BAZ2B: variants seen among roughly 807,000 people sequenced by gnomAD.
The protein encoded by BAZ2B is bromodomain adjacent to zinc finger domain protein 2B.
A neutral mutation model predicts 246.0 loss-of-function variants in BAZ2B; 91 were observed. The ratio of observed to expected loss-of-function variants is 0.37; its 90% CI spans 0.31 to 0.44. BAZ2B has a LOEUF of 0.44. Ranked by LOEUF, BAZ2B falls within the 20% of genes least tolerant of loss-of-function variation. The probability of loss-of-function intolerance (pLI) is 1.00; values close to 1 mark genes in which losing one functional copy is unlikely to be tolerated. For synonymous variants in BAZ2B, 855 were observed against 860.0 expected (o/e 0.99, Z 0.10); for missense variants, 2,332 against 2,533.7 (o/e 0.92, Z 1.71).
chr2:159,539,753 G>A (rs2086434363), intron 2 of BAZ2B, among the ~76,000 whole-genome samples: 1 of 152,164 alleles, frequency 6.6e-6, no homozygotes, highest in African/African-American at 2.4e-5. Flanking sequence ...ATCTTCCAGT[G>A]GCTTCTCTTC....
intron 1 of BAZ2B, among the ~76,000 whole-genome samples, chr2:159,609,433 G>C (rs1694231019): frequency 6.6e-6 from 1 of 152,098 alleles, no homozygotes; most frequent in Non-Finnish European, 1.5e-5. Flanking sequence ...CTACATATTA[G>C]ATGACATTGT....
At chr2:159,560,922 C>A (rs946069147) in intron 1 of BAZ2B, among the ~76,000 whole-genome samples, 1 of 152,020 alleles carries the variant, frequency 6.6e-6, no homozygotes. Context: ...AGGATATAAG[C>A]AATACTTTTT....
chr2:159,480,353 T>C (rs1010642502), intron 2 of BAZ2B, among the ~76,000 whole-genome samples: 4 of 152,080 alleles, frequency 2.6e-5, no homozygotes, highest in Non-Finnish European at 4.4e-5. Context: ...GTACTTGGCA[T>C]ATAAGAGATC....
At chr2:159,624,595 G>T in the BAZ2B span, among the ~76,000 whole-genome samples, 1 of 152,188 alleles carries the variant, frequency 6.6e-6, no homozygotes, top group Admixed American at 6.5e-5. Context: ...AGAGGGGCCT[G>T]ACTGTTGGAA....
At chr2:159,704,903 C>T in the BAZ2B span, among the ~76,000 whole-genome samples, 7 of 151,908 alleles carry the variant, frequency 4.6e-5, no homozygotes, top group Admixed American at 2.0e-4. Context: ...GAGGTTTCAC[C>T]GTGTTAGCCA....
At chr2:159,407,968 A>G (rs941256231) in intron 14 of BAZ2B, among the ~76,000 whole-genome samples, 1 of 152,342 alleles carries the variant, frequency 6.6e-6, no homozygotes, top group East Asian at 1.9e-4. Context: ...GAATTCTACA[A>G]TAGAGGCCTG....
chr2:159,491,777 G>GC (rs1367126719), intron 2 of BAZ2B, among the ~76,000 whole-genome samples: 1 of 142,748 alleles, frequency 7.0e-6, no homozygotes, highest in Non-Finnish European at 1.5e-5. Context: ...GCATTTTAGA[G>GC]CTCTAAACTG....
At chr2:159,359,553 T>C (rs114870142) in intron 27 of BAZ2B, among the ~76,000 whole-genome samples, 5,442 of 152,238 alleles carry the variant, frequency 0.036, 192 homozygotes, top group African/African-American at 0.096. Flanking sequence ...ACCATTCCTT[T>C]TGAAACTATT....
At chr2:159,529,607 C>T (rs1559703017) in intron 2 of BAZ2B, among the ~76,000 whole-genome samples, 1 of 152,166 alleles carries the variant, frequency 6.6e-6, no homozygotes, top group Admixed American at 6.5e-5. Context: ...ATTCATACCC[C>T]TGGCTAATTC....
At chr2:159,348,233 T>C (rs1052266360) in intron 30 of BAZ2B, among the ~76,000 whole-genome samples, 12 of 149,522 alleles carry the variant, frequency 8.0e-5, no homozygotes, top group African/African-American at 2.5e-4. Context: ...GGCAGGAAGA[T>C]TGCTTGAGCC....
At chr2:159,672,531 T>C in the BAZ2B span, among the ~76,000 whole-genome samples, 19 of 152,264 alleles carry the variant, frequency 1.2e-4, no homozygotes, top group Admixed American at 3.9e-4. Context: ...CCTGGGGCCT[T>C]AGAATCCTCA....
chr2:159,378,369 C>T (rs1447956344), intron 25 of BAZ2B, among the ~76,000 whole-genome samples: 1 of 152,126 alleles, frequency 6.6e-6, no homozygotes. Context: ...GATTGGTACT[C>T]TTAAAAGCAG....
At chr2:159,551,863 A>T (rs2088300666) in intron 2 of BAZ2B, among the ~76,000 whole-genome samples, 1 of 152,190 alleles carries the variant, frequency 6.6e-6, no homozygotes, top group African/African-American at 2.4e-5. Context: ...AAAGTGTAGT[A>T]TGTGCCATCT....
intron 2 of BAZ2B, among the ~76,000 whole-genome samples, chr2:159,518,571 C>T (rs1578023703): frequency 1.3e-5 from 2 of 152,140 alleles, no homozygotes; most frequent in African/African-American, 4.8e-5. Context: ...AGAAAGTTTC[C>T]TACTTTTTGC....
At position 159,457,434 on chromosome 2, in the gene BAZ2B, A is replaced by C. The variant is rs141608973; in HGVS notation, c.146-3633T>G. Among the ~76,000 whole-genome samples the C allele has an allele frequency of 7.9e-5, 12 of 152,330 alleles. No homozygotes were observed. In the East Asian group the frequency reaches 1.9e-3, roughly 24 times the overall value. On this transcript the variant is annotated intron_variant, in intron 3 of 36. Coordinates refer to ENST00000392783, the MANE Select transcript of BAZ2B (RefSeq NM_013450.4). Reference sequence around the variant, plus strand: ...AATGAATTAATTCACTACTCATTTAAAGCAGAAGAGGCCTATCCATGGGAC... The same window carrying C: ...AATGAATTAATTCACTACTCATTTACAGCAGAAGAGGCCTATCCATGGGAC...
chr2:159,392,280 C>G (rs1277481905), intron 20 of BAZ2B: 2 of 152,250 alleles, frequency 1.3e-5, no homozygotes, highest in East Asian at 3.9e-4. Flanking sequence ...AATACTGTAC[C>G]TTTGTATATG....
chr2:159,634,907 A>C, the BAZ2B span, among the ~76,000 whole-genome samples: 1 of 152,204 alleles, frequency 6.6e-6, no homozygotes, highest in African/African-American at 2.4e-5. Context: ...TTTAATGAAG[A>C]GACAATCCAA....
intron 2 of BAZ2B, among the ~76,000 whole-genome samples, chr2:159,541,286 ATTATTG>A (rs1559730009): frequency 8.3e-6 from 1 of 119,844 alleles, no homozygotes; most frequent in Non-Finnish European, 1.8e-5. Context: ...TATTATTATT[ATTATTG>A]TTTTGAGATG....
the BAZ2B span, among the ~76,000 whole-genome samples, chr2:159,636,365 G>A: frequency 6.6e-6 from 1 of 152,306 alleles, no homozygotes; most frequent in South Asian, 2.1e-4. Context: ...ACCACTGTGG[G>A]GAGGGAGAAT....
Sources: allele counts gnomAD v4.1 joint callset (sites outside exome capture counted in the v4.1 genomes callset), GRCh38; gene constraint gnomAD v4.1.1; transcripts MANE v1.5; gene names NCBI Gene and HGNC (gene_info 2026-07-23, HGNC 2026-07-21).